The following ELAC2 variants were observed in gnomAD, a reference collection of about 807,000 sequenced individuals.
ELAC2 encodes elaC ribonuclease Z 2, also known as zinc phosphodiesterase ELAC protein 2.
In ELAC2, 92 loss-of-function variants were observed where a neutral mutation model predicts 105.2. The ratio of observed to expected loss-of-function variants is 0.87; its 90% CI spans 0.74 to 1.04. ELAC2 has a LOEUF of 1.04. Ranked by LOEUF, ELAC2 falls within the 50% of genes least tolerant of loss-of-function variation. The pLI is 0.00. For missense variants in ELAC2, 1,099 were observed against 1,071.7 expected (o/e 1.03, Z -0.36); for synonymous variants, 468 against 409.1 (o/e 1.14, Z -1.74).
At chr17:13,015,340 A>C (rs772438854) in intron 4 of ELAC2, among the ~76,000 whole-genome samples, 4 of 152,270 alleles carry the variant, frequency 2.6e-5, no homozygotes, top group African/African-American at 4.8e-5. Flanking sequence ...ATGAACTGTT[A>C]TATTCAACAA....
At chr17:13,013,371 C>T (rs1259826600) in intron 5 of ELAC2, 96 bp from the exon 6 acceptor site, 2 of 1,318,902 alleles carry the variant, frequency 1.5e-6, no homozygotes, top group Non-Finnish European at 2.2e-6. Flanking sequence ...ACTGAATTGC[C>T]TCAGAATTAT....
intron 6 of ELAC2, 99 bp from the exon 7 acceptor site, chr17:13,011,881 A>C: frequency 6.4e-7 from 1 of 1,573,958 alleles, no homozygotes; most frequent in Non-Finnish European, 8.7e-7. Flanking sequence ...CGCCAATTAA[A>C]TCAGCACACC....
intron 6 of ELAC2, 41 bp from the exon 7 acceptor site, chr17:13,011,823 G>C: frequency 6.2e-7 from 1 of 1,613,922 alleles, no homozygotes; most frequent in Non-Finnish European, 8.5e-7. Context: ...ACTGCACAAG[G>C]TGAGCTGACA....
At chr17:12,996,743 A>G in intron 16 of ELAC2, 58 bp from the exon 17 acceptor site, 1 of 1,595,896 alleles carries the variant, frequency 6.3e-7, no homozygotes, top group Middle Eastern at 1.8e-4. Context: ...GATGGTTCAG[A>G]GGCTGATGTC....
chr17:13,013,287 C>A lies in ELAC2; in HGVS notation c.491-12G>T. 6.2e-7 allele frequency: 1 copy of A among 1,611,328 alleles called. No individual in the cohort carries two copies. The highest frequency in any genetic ancestry group is 2.2e-5 in the East Asian group (1 of 44,870). On this transcript the variant is annotated splice_polypyrimidine_tract_variant and intron_variant, in intron 5 of 23. Transcript: ENST00000338034. ...GTGGGGCCGCACAGCTACAAGAAAA[C>A]CACACAACAGCAAAGTGATTGCATT... is the stretch of plus-strand genomic sequence containing the variant.
chr17:13,006,499 A>T (rs1207797693), intron 8 of ELAC2: 4 of 166,380 alleles, frequency 2.4e-5, no homozygotes, highest in African/African-American at 9.6e-5. Flanking sequence ...CTAAAAGCCA[A>T]AATGACTTAA....
intron 22 of ELAC2, 72 bp downstream of exon 22, chr17:12,994,353 G>A (rs908675358): frequency 1.3e-5 from 20 of 1,557,018 alleles, no homozygotes; most frequent in East Asian, 4.5e-5. Flanking sequence ...GGAGACAAAC[G>A]ACGGCTGCTC....
chr17:12,995,636 C>T, intron 19 of ELAC2, 67 bp downstream of exon 19: 2 of 1,484,384 alleles, frequency 1.3e-6, no homozygotes, highest in African/African-American at 1.4e-5. Context: ...CCAGTGTCCA[C>T]CTTGAGCTTC....
At chr17:13,000,703 AC>A in intron 14 of ELAC2, 1 of 242,570 alleles carries the variant, frequency 4.1e-6, no homozygotes, top group African/African-American at 2.2e-5. Flanking sequence ...ACTCATGTTC[AC>A]ACCCAGGAAC....
chr17:12,995,592 A>G (rs1264806318), intron 19 of ELAC2, 111 bp downstream of exon 19: 3 of 1,081,976 alleles, frequency 2.8e-6, no homozygotes, highest in Non-Finnish European at 4.1e-6. Flanking sequence ...GACCATGTCA[A>G]GGGCAAGGCT....
At chr17:13,004,912 C>G in intron 11 of ELAC2, 77 bp downstream of exon 11, 1 of 1,158,058 alleles carries the variant, frequency 8.6e-7, no homozygotes, top group Non-Finnish European at 1.3e-6. Context: ...AAACACAGCT[C>G]TTGCCACAAG....
At chr17:13,008,100 C>G (rs1315020448) in intron 8 of ELAC2, among the ~76,000 whole-genome samples, 3 of 151,668 alleles carry the variant, frequency 2.0e-5, no homozygotes, top group African/African-American at 7.3e-5. Context: ...ACACGGGAGG[C>G]TGAGGCAAGG....
chr17:12,993,558 G>A, intron 23 of ELAC2, 129 bp downstream of exon 23: 1 of 1,392,760 alleles, frequency 7.2e-7, no homozygotes, highest in South Asian at 1.3e-5. Flanking sequence ...GGTTAGTGAT[G>A]GGTAGATAAC....
rs540900518 is a variant in ELAC2 at position 13,003,376 on chromosome 17, T to C, written c.1079+103A>G. The C allele has an allele frequency of 6.6e-6, 7 of 1,063,520 alleles. 1 individual carries two copies. The East Asian group carries it at 1.7e-4, about 25-fold the overall frequency. The allele number at this position is 1,063,520 out of a possible 1,614,324, so 65.9% of individuals were successfully genotyped here. On this transcript the variant is annotated intron_variant, in intron 12 of 23. Coordinates refer to ENST00000338034, the MANE Select transcript of ELAC2 (RefSeq NM_018127.7). The stretch of plus-strand genomic sequence containing the variant: ...GAATCCCACAGAAAGTTTAGGCAGG[T>C]GCAGAAGGGTAGGTAGCGCTGGAAA...
chr17:13,000,495 T>C (rs1309192768), intron 14 of ELAC2: 1 of 593,806 alleles, frequency 1.7e-6, no homozygotes, highest in Non-Finnish European at 3.1e-6. Flanking sequence ...GAACTACTGA[T>C]GCTCAGGGCA....
In ELAC2 at chr17:12,995,799, T is replaced by G; in HGVS notation, c.1712A>C (p.Lys571Thr). ...QRERALASLG[K>T]PLHPLLVVAP... ...AACCACCAGCAAAGGGTGAAGCGGC[T>G]TTCCCAAAGATGCCTGGAACAAAAA... The change falls in exon 19 of 24, where the codon AAG becomes ACG. Residue 571 changes from lysine (K) to threonine (T), a missense_variant. Lys to Thr is a moderately conservative substitution (Grantham distance 78). Transcript: ENST00000338034. 6 of 1,611,252 alleles carry G rather than the reference T, an allele frequency of 3.7e-6. No homozygotes were observed. The highest frequency in any genetic ancestry group is 1.3e-5 in the African/African-American group (1 of 74,966).
intron 8 of ELAC2, among the ~76,000 whole-genome samples, chr17:13,009,990 C>CAAAAAAAA (rs1157775345): frequency 0.041 from 3,115 of 75,894 alleles, 136 homozygotes; most frequent in Middle Eastern, 0.074. Context: ...GACATGGTCT[C>CAAAAAAAA]AAAAAAAAAA....
Position 12,992,842 on chromosome 17 carries a change from C to G in ELAC2, c.2457G>C (p.Gln819His), listed in dbSNP as rs773456696. Residue 819 changes from glutamine to histidine, a missense_variant, in exon 24 of 24, where the codon CAG becomes CAC. Coordinates refer to ENST00000338034, the MANE Select transcript of ELAC2 (RefSeq NM_018127.7). ...TTCACTGGGCTCTGACCTTCTTGGC[C>G]TGTGGCTCCTCTGTGTGGGCCCGCT... The part of the protein sequence containing the change: ...QQKRAHTEEP[Q>H]AKKVRAQ 2 of 1,613,812 alleles carry G rather than the reference C, an allele frequency of 1.2e-6. No individual in the cohort carries two copies. The highest frequency in any genetic ancestry group is 2.7e-5 in the African/African-American group (2 of 74,938).
intron 21 of ELAC2, 110 bp downstream of exon 21, chr17:12,994,654 C>T (rs1442426944): frequency 6.2e-7 from 1 of 1,603,254 alleles, no homozygotes; most frequent in Admixed American, 1.7e-5. Context: ...AGGGTGGGGA[C>T]CTGAGTCTCC....
Sources: gnomAD v4.1 joint callset for allele counts (sites outside exome capture counted in the v4.1 genomes callset) on GRCh38, gnomAD v4.1.1 for gene constraint, MANE v1.5 for transcripts, NCBI Gene and HGNC (gene_info 2026-07-23, HGNC 2026-07-21) for gene names.